ZSCAN18: variants seen among roughly 807,000 people sequenced by gnomAD.
ZSCAN18 encodes the protein zinc finger and SCAN domain-containing protein 18.
Under a neutral mutation model 31.1 loss-of-function variants are expected in ZSCAN18, and 16 were observed. The observed-to-expected ratio is 0.51, with a 90% CI of 0.35 to 0.78. The LOEUF (loss-of-function observed/expected upper bound fraction) is 0.78. ZSCAN18 is among the 30% of genes least tolerant of loss of function. The pLI is 0.01. For synonymous variants in ZSCAN18, 375 were observed against 320.7 expected, an observed-to-expected ratio of 1.17 and a Z score of -1.81; for missense variants, 731 against 697.4, an observed-to-expected ratio of 1.05 and a Z score of -0.54.
At chr19:58,118,323 G>C in exon 1 of ZSCAN18, 1 of 1,530,452 alleles carries the variant, frequency 6.5e-7, no homozygotes, top group Non-Finnish European at 8.8e-7. Context: ...ACAGACCCGA[G>C]AGGCCGCGAG....
chr19:58,101,865 T>C (rs2074597327), upstream of ZSCAN18, among the ~76,000 whole-genome samples: 1 of 151,708 alleles, frequency 6.6e-6, no homozygotes, highest in Non-Finnish European at 1.5e-5. Flanking sequence ...CTCCTAACCA[T>C]GCTGCTAATA....
intron 1 of ZSCAN18, among the ~76,000 whole-genome samples, chr19:58,116,137 C>A (rs1200186351): frequency 1.3e-5 from 2 of 150,134 alleles, no homozygotes; most frequent in Non-Finnish European, 3.0e-5. Flanking sequence ...CACGCATGCA[C>A]ACACAAACAC....
At chr19:58,103,157 A>G (rs116816808), upstream of ZSCAN18, among the ~76,000 whole-genome samples, 135 of 150,576 alleles carry the variant, frequency 9.0e-4, no homozygotes, top group African/African-American at 3.1e-3. Flanking sequence ...GCTGCCAATT[A>G]AACCATATCA....
intron 4 of ZSCAN18, 32 bp from the exon 5 acceptor site, chr19:58,087,040 C>T: frequency 6.4e-7 from 1 of 1,550,842 alleles, no homozygotes; most frequent in Non-Finnish European, 8.8e-7. Flanking sequence ...AGACCTCCCA[C>T]CTGCCCTAGA....
intron 1 of ZSCAN18, among the ~76,000 whole-genome samples, chr19:58,109,629 GT>G (rs2074663559): frequency 6.6e-6 from 1 of 152,060 alleles, no homozygotes; most frequent in Non-Finnish European, 1.5e-5. Context: ...AAAAATATGG[GT>G]ACATTTCTCA....
chr19:58,105,661 AAAAAAAT>A (rs907784441), intron 1 of ZSCAN18, among the ~76,000 whole-genome samples: 17 of 152,024 alleles, frequency 1.1e-4, no homozygotes, highest in South Asian at 4.2e-4. Flanking sequence ...ACTCCGTCTC[AAAAAAAT>A]AAAAAATAAA....
At chr19:58,095,305 T>C (rs867264887) in intron 1 of ZSCAN18, among the ~76,000 whole-genome samples, 1 of 152,232 alleles carries the variant, frequency 6.6e-6, no homozygotes, top group South Asian at 2.1e-4. Context: ...AGCTCCATAA[T>C]GTGTGTGCAC....
intron 1 of ZSCAN18, chr19:58,107,964 A>G: frequency 9.4e-7 from 1 of 1,061,306 alleles, no homozygotes; most frequent in Admixed American, 4.5e-5. Flanking sequence ...GTGCCAGATG[A>G]GGCCCGCGAT....
chr19:58,113,422 GC>G (rs1284971509), intron 1 of ZSCAN18, among the ~76,000 whole-genome samples: 7 of 152,186 alleles, frequency 4.6e-5, no homozygotes, highest in Admixed American at 4.6e-4. Flanking sequence ...TGTCTGGGAT[GC>G]CGGGGTGACT....
chr19:58,090,149 C>A lies in ZSCAN18; in HGVS notation c.119G>T (p.Arg40Met), dbSNP rs760561499. The change falls in exon 2 of 7, where the codon AGG becomes ATG. Residue 40 changes from arginine (R) to methionine (M), a missense_variant. Physicochemically the swap from Arg to Met is moderately conservative, Grantham distance 91. Transcript: ENST00000601144. The surrounding 1 kb of genome is among the most constrained non-coding windows in gnomAD (Gnocchi z 4.7). ...QQEEPETIPE[R>M]TPADLEFSRL... is the part of the protein sequence containing the mutation. ...GGAGAACTCCAGGTCAGCAGGGGTC[C>A]TCTCAGGGATGGTCTCGGGTTCTTC... 6.2e-7 allele frequency: 1 copy of A among 1,613,710 alleles called. No individual in the cohort carries two copies. The highest frequency in any genetic ancestry group is 1.3e-5 in the African/African-American group (1 of 74,934).
At chr19:58,098,934 G>A (rs539080727), upstream of ZSCAN18, among the ~76,000 whole-genome samples, 14 of 152,290 alleles carry the variant, frequency 9.2e-5, no homozygotes, top group African/African-American at 3.4e-4. Flanking sequence ...AGGAGCTGCT[G>A]AAATGAGGGA....
intron 1 of ZSCAN18, chr19:58,107,879 C>T: frequency 9.4e-6 from 10 of 1,063,008 alleles, no homozygotes; most frequent in Non-Finnish European, 1.2e-5. Context: ...TGTGCTTGGT[C>T]AGACAGGAGC....
intron 1 of ZSCAN18, chr19:58,108,224 A>G: frequency 5.1e-6 from 5 of 985,606 alleles, no homozygotes; most frequent in Non-Finnish European, 6.0e-6. Flanking sequence ...GTTATGTGTG[A>G]TCAATGAAGG....
At chr19:58,110,217 C>G (rs1018708478) in intron 1 of ZSCAN18, among the ~76,000 whole-genome samples, 5 of 152,276 alleles carry the variant, frequency 3.3e-5, no homozygotes, top group African/African-American at 1.2e-4. Flanking sequence ...CTGAGAAGAA[C>G]TTGATCTCCA....
chr19:58,099,965 T>G (rs1245878942), upstream of ZSCAN18, among the ~76,000 whole-genome samples: 5 of 12,692 alleles, frequency 3.9e-4, no homozygotes, highest in South Asian at 0.013. Flanking sequence ...GAAAGCTATG[T>G]TTTTTTTTTT....
chr19:58,097,157 A>G (rs2074533843), intron 1 of ZSCAN18, among the ~76,000 whole-genome samples: 1 of 152,122 alleles, frequency 6.6e-6, no homozygotes, highest in African/African-American at 2.4e-5. Context: ...AGCCTCGCCC[A>G]GGAGTCAGCA....
At chr19:58,092,771 CTTTTTT>C in intron 1 of ZSCAN18, 9 of 761,952 alleles carry the variant, frequency 1.2e-5, no homozygotes, top group Non-Finnish European at 1.4e-5. Context: ...GATACCTCTA[CTTTTTT>C]TTTTTTTTTT....
At chr19:58,109,796 C>CA (rs11370818) in intron 1 of ZSCAN18, among the ~76,000 whole-genome samples, 115,821 of 152,068 alleles carry the variant, frequency 0.76, 44,825 homozygotes, top group Non-Finnish European at 0.85. Context: ...CACATCCTAC[C>CA]AAATAAATTA....
At chr19:58,109,153 A>G in intron 1 of ZSCAN18, 1 of 1,230,460 alleles carries the variant, frequency 8.1e-7, no homozygotes, top group Non-Finnish European at 1.0e-6. Flanking sequence ...TCTATGGAGC[A>G]TTTCTACCTG....
Sources: allele counts gnomAD v4.1 joint callset (sites outside exome capture counted in the v4.1 genomes callset), GRCh38; gene constraint gnomAD v4.1.1; non-coding constraint Gnocchi (gnomAD v3.1); transcripts MANE v1.5; gene names NCBI Gene and HGNC (gene_info 2026-07-23, HGNC 2026-07-21).